The following PRKN variants were observed in gnomAD, a reference collection of about 807,000 sequenced individuals.
PRKN encodes the protein E3 ubiquitin-protein ligase parkin.
PRKN carries 56 observed loss-of-function variants against 59.5 expected under a neutral mutation model. The ratio of observed to expected loss-of-function variants is 0.94; its 90% CI spans 0.76 to 1.18. The LOEUF (loss-of-function observed/expected upper bound fraction) is 1.18, where lower values mean the gene tolerates loss of function less well. PRKN is among the 50% of genes most tolerant of loss of function. The probability of loss-of-function intolerance (pLI) is 0.00; values close to 1 mark genes in which losing one functional copy is unlikely to be tolerated. For missense variants in PRKN, 657 were observed against 596.4 expected (o/e 1.10, Z -1.06); for synonymous variants, 250 against 222.1 (o/e 1.13, Z -1.12).
At chr6:161,747,910 C>T (rs1360952543) in intron 7 of PRKN, among the ~76,000 whole-genome samples, 1 of 152,108 alleles carries the variant, frequency 6.6e-6, no homozygotes, top group African/African-American at 2.4e-5. Context: ...TGATGAACAT[C>T]GCCATCTTTA....
chr6:161,587,938 G>C (rs954819769), intron 7 of PRKN, among the ~76,000 whole-genome samples: 3 of 152,112 alleles, frequency 2.0e-5, no homozygotes, highest in African/African-American at 4.8e-5. Context: ...GGTAAAACCA[G>C]TAATGTTTTT....
chr6:161,611,800 G>C (rs1363533593), intron 7 of PRKN, among the ~76,000 whole-genome samples: 1 of 152,184 alleles, frequency 6.6e-6, no homozygotes, highest in Non-Finnish European at 1.5e-5. Flanking sequence ...ATTAAGCTTG[G>C]TGAGGAAGGC....
At chr6:162,297,781 G>C (rs1239951746) in intron 2 of PRKN, among the ~76,000 whole-genome samples, 1 of 152,062 alleles carries the variant, frequency 6.6e-6, no homozygotes, top group East Asian at 1.9e-4. Flanking sequence ...TATCAATATA[G>C]CAACATACCA....
At chr6:161,557,849 T>C (rs565811937) in intron 8 of PRKN, among the ~76,000 whole-genome samples, 1 of 152,294 alleles carries the variant, frequency 6.6e-6, no homozygotes, top group East Asian at 1.9e-4. Context: ...TGTGCTGTCA[T>C]AGTGTTTCCC....
chr6:162,340,752 TC>T (rs1253963328), intron 2 of PRKN, among the ~76,000 whole-genome samples: 13 of 152,156 alleles, frequency 8.5e-5, no homozygotes, highest in Admixed American at 3.9e-4. Context: ...CTGGACCCTT[TC>T]CTTACATCTT....
intron 1 of PRKN, among the ~76,000 whole-genome samples, chr6:162,494,418 T>G (rs1025265363): frequency 2.0e-5 from 3 of 151,266 alleles, no homozygotes; most frequent in Non-Finnish European, 4.4e-5. Flanking sequence ...AGTTCCAGCA[T>G]CAGGGTTGAG....
At chr6:162,699,278 G>GA (rs1778070806) in intron 1 of PRKN, among the ~76,000 whole-genome samples, 2 of 152,084 alleles carry the variant, frequency 1.3e-5, no homozygotes, top group Non-Finnish European at 2.9e-5. Flanking sequence ...AAGAAAAAAA[G>GA]ACTAACAAGA....
chr6:161,974,005 G>A (rs969062180), intron 5 of PRKN, among the ~76,000 whole-genome samples: 19 of 152,210 alleles, frequency 1.2e-4, no homozygotes, highest in African/African-American at 3.4e-4. Context: ...GTTGGCTCGC[G>A]CCTGTAATCC....
chr6:161,611,812 T>A (rs1268714908), intron 7 of PRKN, among the ~76,000 whole-genome samples: 1 of 152,196 alleles, frequency 6.6e-6, no homozygotes, highest in African/African-American at 2.4e-5. Context: ...GAGGAAGGCA[T>A]GTCAAGTTCT....
At chr6:161,716,049 A>G (rs1038800527) in intron 7 of PRKN, 2 of 1,261,276 alleles carry the variant, frequency 1.6e-6, no homozygotes, top group East Asian at 4.7e-5. Context: ...CGACACAGCC[A>G]CCATGCTGTG....
At chr6:161,370,073 C>T in intron 10 of PRKN, 1 of 378,024 alleles carries the variant, frequency 2.6e-6, no homozygotes, top group East Asian at 7.6e-5. Flanking sequence ...GGGAATATGA[C>T]CCTGTGGGAG....
intron 1 of PRKN, among the ~76,000 whole-genome samples, chr6:162,603,096 G>T (rs1781773463): frequency 6.6e-6 from 1 of 152,110 alleles, no homozygotes; most frequent in Non-Finnish European, 1.5e-5. Context: ...GGTTCGTGGG[G>T]TGTTTCTTAT....
At chr6:162,142,009 T>C (rs1781804738) in intron 4 of PRKN, among the ~76,000 whole-genome samples, 1 of 152,210 alleles carries the variant, frequency 6.6e-6, no homozygotes, top group South Asian at 2.1e-4. Context: ...TTGACTCATA[T>C]TAAATGCCAA....
intron 3 of PRKN, among the ~76,000 whole-genome samples, chr6:162,261,513 G>C (rs542408073): frequency 6.6e-6 from 1 of 152,164 alleles, no homozygotes; most frequent in East Asian, 1.9e-4. Flanking sequence ...GCTTGGGTTC[G>C]ATATTTATAT....
intron 2 of PRKN, among the ~76,000 whole-genome samples, chr6:162,296,316 C>G (rs1055242154): frequency 1.3e-5 from 2 of 150,992 alleles, no homozygotes; most frequent in Non-Finnish European, 2.9e-5. Flanking sequence ...CAAGCCCACA[C>G]TCTCCAGGAA....
rs577914680 is a variant in PRKN at position 162,228,211 on chromosome 6, C to T, written c.413-26959G>A. The stretch of plus-strand genomic sequence containing the variant: ...TATGCTTTAGAGAGACGTGTTTCAA[C>T]TGAAATGCACAAACCACAAAATCAC... On this transcript the variant is annotated intron_variant, in intron 3 of 11. Transcript: ENST00000366898. Among the ~76,000 whole-genome samples the T allele has an allele frequency of 6.6e-4, 100 of 152,232 alleles. 1 individual carries two copies. Among genetic ancestry groups the T allele is most frequent in the African/African-American group, 2.0e-3 (82 of 41,552 alleles).
At chr6:161,639,241 G>A (rs910114853) in intron 7 of PRKN, among the ~76,000 whole-genome samples, 5 of 152,180 alleles carry the variant, frequency 3.3e-5, no homozygotes, top group African/African-American at 4.8e-5. Context: ...GTGTGAGAAT[G>A]GACAAATAGA....
At chr6:162,656,289 T>C (rs747758572) in intron 1 of PRKN, among the ~76,000 whole-genome samples, 14 of 152,212 alleles carry the variant, frequency 9.2e-5, no homozygotes, top group Admixed American at 2.0e-4. Flanking sequence ...TTGTTGATCA[T>C]CAAAGATTCT....
At chr6:161,493,498 A>G (rs1777632412) in intron 9 of PRKN, among the ~76,000 whole-genome samples, 2 of 152,148 alleles carry the variant, frequency 1.3e-5, no homozygotes, top group South Asian at 4.1e-4. Context: ...CTGCTAATGG[A>G]AGGTACTCGG....
Sources: gnomAD v4.1 joint callset for allele counts (sites outside exome capture counted in the v4.1 genomes callset) on GRCh38, gnomAD v4.1.1 for gene constraint, MANE v1.5 for transcripts, NCBI Gene and HGNC (gene_info 2026-07-23, HGNC 2026-07-21) for gene names.